Variants in FBXW2 observed in about 807,000 individuals in gnomAD.
FBXW2 encodes the protein F-box and WD repeat domain containing 2.
Under a neutral mutation model 46.0 loss-of-function variants are expected in FBXW2, and 12 were observed. The ratio of observed to expected loss-of-function variants is 0.26; its 90% confidence interval spans 0.17 to 0.42. FBXW2 has a LOEUF of 0.42. Among genes scored for constraint, FBXW2 ranks in the 10% least tolerant of loss-of-function variants. The pLI, the probability that FBXW2 is intolerant of heterozygous loss-of-function variation, is 1.00. For synonymous variants in FBXW2, 203 were observed against 209.6 expected (o/e 0.97, Z 0.27); for missense variants, 360 against 537.0 (o/e 0.67, Z 3.26).
intron 3 of FBXW2, among the ~76,000 whole-genome samples, chr9:120,782,471 A>T (rs981070941): frequency 1.3e-5 from 2 of 151,940 alleles, no homozygotes; most frequent in African/African-American, 4.8e-5. Context: ...TCTCAAAAAA[A>T]AAAATAAAAC....
intron 4 of FBXW2, among the ~76,000 whole-genome samples, chr9:120,777,076 G>A (rs1214524354): frequency 6.6e-6 from 1 of 152,122 alleles, no homozygotes; most frequent in Admixed American, 6.6e-5. Context: ...GCAAGCAGAG[G>A]GAATAGTAAA....
chr9:120,770,827 A>G (rs371628474), intron 7 of FBXW2, among the ~76,000 whole-genome samples: 3 of 152,338 alleles, frequency 2.0e-5, no homozygotes, highest in African/African-American at 7.2e-5. Flanking sequence ...GTATGCAGTG[A>G]ATCACAAAAT....
chr9:120,766,492 G>C (rs902676103), intron 7 of FBXW2, among the ~76,000 whole-genome samples: 1 of 152,090 alleles, frequency 6.6e-6, no homozygotes, highest in African/African-American at 2.4e-5. Context: ...TTGAGATGGA[G>C]TCTCGCTCTG....
chr9:120,764,715 C>G lies in FBXW2; in HGVS notation c.1209G>C (p.Leu403=), dbSNP rs1193669312. Residue 403 remains leucine, a synonymous_variant, in exon 8 of 8, where the codon CTG becomes CTC. Coordinates refer to ENST00000608872, the MANE Select transcript of FBXW2 (RefSeq NM_012164.4). ...RTESLISRWP[L]PEYRKSKRGS... ...CTCTCTTTGATTTCCTGTACTCTGG[C>G]AGAGGCCAGCGACTAATCAGGCTCT... The G allele has an allele frequency of 6.2e-7, 1 of 1,614,208 alleles. No individual in the cohort carries two copies. The highest frequency in any genetic ancestry group is 1.7e-5 in the Admixed American group (1 of 60,028).
At chr9:120,770,362 C>T (rs537334582) in intron 7 of FBXW2, among the ~76,000 whole-genome samples, 25 of 142,982 alleles carry the variant, frequency 1.7e-4, no homozygotes, top group Non-Finnish European at 2.8e-4. Flanking sequence ...GGCGACAGAG[C>T]GAGACTCCAT....
At position 120,764,860 on chromosome 9, in the gene FBXW2, G is replaced by A. The variant is rs1588022087; in HGVS notation, c.1077-13C>T. 3.9e-6 allele frequency: 6 copies of A among 1,541,650 alleles called. No homozygotes were observed. The highest frequency in any genetic ancestry group is 4.4e-6 in the Non-Finnish European group (5 of 1,141,380). ...AGTCTTGATGACCCTACAAGGATGA[G>A]AGTTAGGGACTGTGAAAGAAGGCAA... On this transcript the variant is annotated splice_polypyrimidine_tract_variant and intron_variant, in intron 7 of 7. Transcript: ENST00000608872.
intron 7 of FBXW2, 60 bp from the exon 8 acceptor site, chr9:120,764,907 T>C (rs781394408): frequency 2.9e-5 from 38 of 1,323,926 alleles, no homozygotes; most frequent in Non-Finnish European, 3.8e-5. Context: ...TTTATGCTAC[T>C]GTAATCTTTT....
At position 120,763,902 on chromosome 9, in the gene FBXW2, A is replaced by G. The variant is rs2044230964; in HGVS notation, c.*657T>C. On this transcript the variant is annotated 3_prime_UTR_variant, in exon 8 of 8. Coordinates refer to ENST00000608872, the MANE Select transcript of FBXW2 (RefSeq NM_012164.4). ...ACTAGCTTCCCCGACATGGCAACAAAAACTACAGAACTCGCTCACATCTTA... is the reference window on the plus strand; with the variant it reads ...ACTAGCTTCCCCGACATGGCAACAAGAACTACAGAACTCGCTCACATCTTA... 1 of 152,370 alleles carries G rather than the reference A, an allele frequency of 6.6e-6. No homozygotes were observed. The highest frequency in any genetic ancestry group is 1.5e-5 in the Non-Finnish European group (1 of 68,150). The allele number at this position is 152,370 out of a possible 1,614,324, so 9.4% of individuals were successfully genotyped here.
chr9:120,769,901 T>C (rs918701741), intron 7 of FBXW2, among the ~76,000 whole-genome samples: 1 of 152,206 alleles, frequency 6.6e-6, no homozygotes, highest in African/African-American at 2.4e-5. Flanking sequence ...AAAGCATAAA[T>C]ATCAATCATT....
chr9:120,770,162 G>T (rs2044348973), intron 7 of FBXW2, among the ~76,000 whole-genome samples: 1 of 152,136 alleles, frequency 6.6e-6, no homozygotes, highest in African/African-American at 2.4e-5. Flanking sequence ...GGATCACGAG[G>T]TCAGGAGATT....
chr9:120,778,469 A>G lies in FBXW2; in HGVS notation c.567T>C (p.Cys189=), dbSNP rs2044545984. The part of the protein sequence containing the change: ...QCVYGIQTHT[C]AAVKFDEQKL... Reference sequence around the variant, plus strand: ...TCTGTTCATCAAACTTCACCGCTGCACAAGTGTGGGTCTGGATGCCATAAA... The same window carrying G: ...TCTGTTCATCAAACTTCACCGCTGCGCAAGTGTGGGTCTGGATGCCATAAA... The change falls in exon 4 of 8, where the codon TGT becomes TGC. Residue 189 remains cysteine, a synonymous_variant. Transcript: ENST00000608872. 6.2e-7 allele frequency: 1 copy of G among 1,614,182 alleles called. No homozygotes were observed. The highest frequency in any genetic ancestry group is 8.5e-7 in the Non-Finnish European group (1 of 1,180,048).
chr9:120,775,608 AAAAAG>A (rs1406826694), intron 5 of FBXW2, among the ~76,000 whole-genome samples: 2 of 152,130 alleles, frequency 1.3e-5, no homozygotes, highest in Non-Finnish European at 2.9e-5. Context: ...GTTTTTTTTA[AAAAAG>A]AAAACATTAC....
intron 7 of FBXW2, among the ~76,000 whole-genome samples, chr9:120,765,650 A>G (rs1156336229): frequency 6.6e-6 from 1 of 152,228 alleles, no homozygotes; most frequent in Non-Finnish European, 1.5e-5. Context: ...AGAAACCTGA[A>G]AGCCAAGTGA....
At chr9:120,766,201 C>A (rs1254460777) in intron 7 of FBXW2, among the ~76,000 whole-genome samples, 1 of 152,136 alleles carries the variant, frequency 6.6e-6, no homozygotes, top group African/African-American at 2.4e-5. Flanking sequence ...CAGCTGAAGG[C>A]TATCAGCTGA....
intron 3 of FBXW2, among the ~76,000 whole-genome samples, chr9:120,787,132 G>A (rs901083646): frequency 6.0e-4 from 92 of 152,184 alleles, no homozygotes; most frequent in Non-Finnish European, 2.4e-4. Context: ...GGGTTCAAGC[G>A]ATTCTCCTGT....
chr9:120,774,350 A>C (rs1472516679), intron 5 of FBXW2, among the ~76,000 whole-genome samples: 1 of 151,896 alleles, frequency 6.6e-6, no homozygotes, highest in Non-Finnish European at 1.5e-5. Flanking sequence ...AAAAAAAAAA[A>C]AAAAAAAAGA....
Position 120,778,506 on chromosome 9 carries a change from G to A in FBXW2, c.530C>T (p.Thr177Ile). Residue 177 changes from threonine (T) to isoleucine (I), a missense_variant, in exon 4 of 8, where the codon ACA becomes ATA. Thr to Ile is a moderately conservative substitution (Grantham distance 89). Coordinates refer to ENST00000608872, the MANE Select transcript of FBXW2 (RefSeq NM_012164.4). The stretch of plus-strand genomic sequence containing the variant: ...CTGGATGCCATAAACGCACTGCCCT[G>A]TGCTCACATCCCACAGCTTTGCAGA... Reference protein sequence around the residue: ...DLSAKLWDVSTGQCVYGIQTH... With the variant: ...DLSAKLWDVSIGQCVYGIQTH... 6.2e-7 allele frequency: 1 copy of A among 1,614,100 alleles called. No individual in the cohort carries two copies. The highest frequency in any genetic ancestry group is 8.5e-7 in the Non-Finnish European group (1 of 1,180,012).
At chr9:120,791,047 T>C (rs1279257652) in intron 2 of FBXW2, among the ~76,000 whole-genome samples, 1 of 152,184 alleles carries the variant, frequency 6.6e-6, no homozygotes, top group Non-Finnish European at 1.5e-5. Flanking sequence ...GGCATTTTTT[T>C]CCCTAAAAAA....
intron 4 of FBXW2, chr9:120,776,441 A>T: frequency 1.9e-6 from 1 of 528,268 alleles, no homozygotes; most frequent in Non-Finnish European, 3.2e-6. Flanking sequence ...TAGGAATAAT[A>T]CAATCTCTTT....
Sources: gnomAD v4.1 joint callset for allele counts (sites outside exome capture counted in the v4.1 genomes callset) on GRCh38, gnomAD v4.1.1 for gene constraint, MANE v1.5 for transcripts, NCBI Gene and HGNC (gene_info 2026-07-23, HGNC 2026-07-21) for gene names.